EIF2D: variants seen among roughly 807,000 people sequenced by gnomAD.
EIF2D encodes hepatocellular carcinoma-associated antigen 56.
In EIF2D, 56 loss-of-function variants were observed where a neutral mutation model predicts 77.4. The ratio of observed to expected loss-of-function variants is 0.72; its 90% CI spans 0.58 to 0.90. The LOEUF (loss-of-function observed/expected upper bound fraction) is 0.90, where lower values mean the gene tolerates loss of function less well. EIF2D is among the 40% of genes least tolerant of loss of function. EIF2D has a pLI of 0.00. For missense variants in EIF2D, 574 were observed against 706.5 expected (o/e 0.81, Z 2.13); for synonymous variants, 230 against 271.0 (o/e 0.85, Z 1.49).
downstream of EIF2D, among the ~76,000 whole-genome samples, chr1:206,590,843 A>G (rs1669319517): frequency 6.6e-6 from 1 of 152,226 alleles, no homozygotes; most frequent in Non-Finnish European, 1.5e-5. Context: ...GTAAAACCCA[A>G]AAACTCAGGG....
At chr1:206,585,057 A>C in intron 2 of EIF2D, 1 of 710,824 alleles carries the variant, frequency 1.4e-6, no homozygotes, top group Non-Finnish European at 2.5e-6. Flanking sequence ...CATTTCATTA[A>C]AAGGCCCGTG....
intron 11 of EIF2D, among the ~76,000 whole-genome samples, chr1:206,597,575 G>A (rs1370578068): frequency 6.6e-6 from 1 of 152,198 alleles, no homozygotes; most frequent in African/African-American, 2.4e-5. Context: ...CCAGCACTTT[G>A]GGAGGCTGAG....
At chr1:206,602,843 T>TC (rs1396591735) in intron 6 of EIF2D, 108 bp downstream of exon 6, 32 of 1,468,554 alleles carry the variant, frequency 2.2e-5, no homozygotes, top group Middle Eastern at 2.2e-4. Flanking sequence ...GACCTTCCCC[T>TC]CCTCCCCCGG....
In EIF2D at chr1:206,609,477, C is replaced by A. The variant is rs1299182972; in HGVS notation, c.248-18G>T. The A allele has an allele frequency of 6.2e-7, 1 of 1,601,426 alleles. No individual in the cohort carries two copies. Among genetic ancestry groups the A allele is most frequent in the African/African-American group, 1.3e-5 (1 of 74,338 alleles). ...CGTGTACACTGTACAAAAAGAGATC[C>A]AGAAAACACTACTACCAAAAAGCCA... On this transcript the variant is annotated intron_variant, in intron 2 of 14. Coordinates refer to ENST00000271764, the MANE Select transcript of EIF2D (RefSeq NM_006893.3).
At chr1:206,575,674 A>G (rs1467729101) in intron 4 of EIF2D, among the ~76,000 whole-genome samples, 1 of 152,162 alleles carries the variant, frequency 6.6e-6, no homozygotes, top group Non-Finnish European at 1.5e-5. Flanking sequence ...ACACCACCCT[A>G]TCTTATGTGT....
chr1:206,593,506 A>AGTGTGTGTGTGCGTGCGT (rs1286437460), intron 14 of EIF2D, 113 bp downstream of exon 14: 5 of 442,814 alleles, frequency 1.1e-5, no homozygotes, highest in South Asian at 5.3e-5. Flanking sequence ...AGAGAGAGAG[A>AGTGTGTGTGTGCGTGCGT]GAGTGTGTGT....
At position 206,591,770 on chromosome 1, in the gene EIF2D, G is replaced by A. The variant is rs782393631; in HGVS notation, c.*5C>T. 2 of 1,613,968 alleles carry A rather than the reference G, an allele frequency of 1.2e-6. No homozygotes were observed. The highest frequency in any genetic ancestry group is 3.3e-5 in the Admixed American group (2 of 60,026). On this transcript the variant is annotated 3_prime_UTR_variant, in exon 15 of 15. Coordinates refer to ENST00000271764, the MANE Select transcript of EIF2D (RefSeq NM_006893.3). ...CGGATCCACCACGTGAGACAAAAGAGTCTGTCACTTCTTCTTGCCAGGTTT... is the reference window on the plus strand; with the variant it reads ...CGGATCCACCACGTGAGACAAAAGAATCTGTCACTTCTTCTTGCCAGGTTT...
exon 6 of EIF2D, chr1:206,571,299 T>C (rs1332197408): frequency 7.2e-5 from 11 of 152,020 alleles, no homozygotes; most frequent in Admixed American, 5.2e-4. Flanking sequence ...TTTTTTGTAT[T>C]GTGGTAGTTT....
At chr1:206,609,580 A>G (rs1310115593) in intron 2 of EIF2D, 121 bp from the exon 3 acceptor site, 7 of 790,068 alleles carry the variant, frequency 8.9e-6, no homozygotes, top group Non-Finnish European at 1.4e-5. Flanking sequence ...ACTCAAAGCT[A>G]AAGAGAAGGT....
downstream of EIF2D, chr1:206,587,370 G>T (rs535366520): frequency 3.5e-5 from 11 of 315,334 alleles, no homozygotes; most frequent in East Asian, 9.8e-4. Flanking sequence ...TCCTCTTTGA[G>T]TTCTCTTACT....
chr1:206,570,309 G>T (rs1247939262), downstream of EIF2D, among the ~76,000 whole-genome samples: 2 of 151,824 alleles, frequency 1.3e-5, no homozygotes, highest in African/African-American at 4.8e-5. Context: ...GGTCAGGATG[G>T]TCTCAGACTC....
At chr1:206,589,036 G>A (rs1669252808), downstream of EIF2D, 1 of 152,628 alleles carries the variant, frequency 6.6e-6, no homozygotes, top group Non-Finnish European at 1.5e-5. Context: ...GAAAATTATT[G>A]GACAATTCAG....
chr1:206,585,312 T>C (rs1466914628), intron 2 of EIF2D: 2 of 1,601,966 alleles, frequency 1.2e-6, no homozygotes, highest in African/African-American at 2.7e-5. Context: ...CTGGACCCAT[T>C]GTGCAAACCC....
chr1:206,597,755 G>A (rs534909776), intron 11 of EIF2D, among the ~76,000 whole-genome samples: 2 of 152,086 alleles, frequency 1.3e-5, no homozygotes, highest in Non-Finnish European at 2.9e-5. Context: ...GACTAGCCTG[G>A]CCAACATGGT....
chr1:206,587,355 T>C, downstream of EIF2D: 2 of 316,434 alleles, frequency 6.3e-6, no homozygotes, highest in South Asian at 5.4e-5. Flanking sequence ...TTCTCTGGCA[T>C]TGATTCCTCT....
At chr1:206,578,402 G>T (rs1668739203) in intron 4 of EIF2D, among the ~76,000 whole-genome samples, 1 of 152,124 alleles carries the variant, frequency 6.6e-6, no homozygotes, top group Non-Finnish European at 1.5e-5. Flanking sequence ...TTGCTGTGAT[G>T]ATGAAATGAG....
At chr1:206,609,060 A>T (rs10863727) in intron 3 of EIF2D, among the ~76,000 whole-genome samples, 28,513 of 152,172 alleles carry the variant, frequency 0.19, 2,798 homozygotes, top group East Asian at 0.32. Context: ...TCAAAAAAAA[A>T]AAAATAAAAA....
intron 5 of EIF2D, among the ~76,000 whole-genome samples, chr1:206,571,748 A>G (rs369732413): frequency 2.7e-4 from 41 of 152,368 alleles, no homozygotes; most frequent in African/African-American, 9.6e-4. Context: ...TTCAGGCAGA[A>G]TGGTCAGATG....
chr1:206,611,369 T>C lies in EIF2D; in HGVS notation c.62A>G (p.Lys21Arg), dbSNP rs782610738. 1 of 1,613,228 alleles carries C rather than the reference T, an allele frequency of 6.2e-7. No homozygotes were observed. Among genetic ancestry groups the C allele is most frequent in the East Asian group, 2.2e-5 (1 of 44,848 alleles). ...AGCAGTTGTCACATCAGCTCGAAGC[T>C]TTCTCCTGTGGAAAGCACACCAGCA... ...NTAIKGSDRR[K>R]LRADVTTAFP... Residue 21 changes from lysine to arginine, a missense_variant, in exon 2 of 15, where the codon AAG becomes AGG. Physicochemically the swap from Lys to Arg is conservative, Grantham distance 26. Coordinates refer to ENST00000271764, the MANE Select transcript of EIF2D (RefSeq NM_006893.3).
Sources: allele counts gnomAD v4.1 joint callset (sites outside exome capture counted in the v4.1 genomes callset), GRCh38; gene constraint gnomAD v4.1.1; transcripts MANE v1.5; gene names NCBI Gene and HGNC (gene_info 2026-07-23, HGNC 2026-07-21).